Variants in NRG3 observed in about 807,000 individuals in gnomAD.
NRG3 encodes the protein pro-neuregulin-3, membrane-bound isoform.
NRG3 carries 31 observed loss-of-function variants against 66.9 expected under a neutral mutation model. That is an observed-to-expected ratio of 0.46 (90% CI 0.35 to 0.63). NRG3 has a LOEUF of 0.63. NRG3 is among the 20% of genes least tolerant of loss of function. The probability of loss-of-function intolerance (pLI) is 0.00; values close to 1 mark genes in which losing one functional copy is unlikely to be tolerated. For missense variants in NRG3, 910 were observed against 878.9 expected, an observed-to-expected ratio of 1.04 and a Z score of -0.45; for synonymous variants, 393 against 359.4, an observed-to-expected ratio of 1.09 and a Z score of -1.06.
At chr10:82,895,725 C>A (rs1041634191) in intron 4 of NRG3, among the ~76,000 whole-genome samples, 1 of 152,062 alleles carries the variant, frequency 6.6e-6, no homozygotes, top group African/African-American at 2.4e-5. Flanking sequence ...CTCCTCACCT[C>A]GTGATCCGCC....
chr10:81,984,245 A>G (rs930227884), intron 1 of NRG3, among the ~76,000 whole-genome samples: 2 of 152,340 alleles, frequency 1.3e-5, no homozygotes, highest in African/African-American at 4.8e-5. Context: ...AGGTTGTGGT[A>G]CTTTGTCATA....
At chr10:82,258,386 T>G (rs767424109) in intron 1 of NRG3, among the ~76,000 whole-genome samples, 2 of 152,198 alleles carry the variant, frequency 1.3e-5, no homozygotes, top group Admixed American at 6.5e-5. Context: ...TGTGAAGTTT[T>G]GCCAGAGATA....
At chr10:82,807,169 G>T (rs1415250382) in intron 3 of NRG3, among the ~76,000 whole-genome samples, 2 of 152,104 alleles carry the variant, frequency 1.3e-5, no homozygotes, top group African/African-American at 4.8e-5. Flanking sequence ...ATCATGTTCT[G>T]CTTCTAAATG....
chr10:82,181,773 AT>A (rs758853953), intron 1 of NRG3, among the ~76,000 whole-genome samples: 7 of 151,702 alleles, frequency 4.6e-5, no homozygotes, highest in Non-Finnish European at 8.9e-5. Flanking sequence ...TATAAGGCCC[AT>A]TTGTTTTATA....
intron 3 of NRG3, among the ~76,000 whole-genome samples, chr10:82,789,701 G>A: frequency 6.6e-6 from 1 of 152,168 alleles, no homozygotes; most frequent in Middle Eastern, 3.4e-3. Context: ...GACAAGTCAG[G>A]ATTTACTTCT....
chr10:82,024,555 C>G (rs1463302508), intron 1 of NRG3, among the ~76,000 whole-genome samples: 1 of 151,966 alleles, frequency 6.6e-6, no homozygotes, highest in Non-Finnish European at 1.5e-5. Context: ...GCTTATGGAA[C>G]TGTTGTCACA....
chr10:82,255,515 T>C (rs1167963109), intron 1 of NRG3, among the ~76,000 whole-genome samples: 2 of 152,166 alleles, frequency 1.3e-5, no homozygotes, highest in African/African-American at 4.8e-5. Flanking sequence ...GTGGAAATAA[T>C]AGAGGAAACT....
At chr10:82,349,721 C>T (rs905292661) in intron 1 of NRG3, among the ~76,000 whole-genome samples, 4 of 152,088 alleles carry the variant, frequency 2.6e-5, no homozygotes, top group East Asian at 1.9e-4. Flanking sequence ...AGGGAGACTC[C>T]GTGGGCGTAG....
intron 1 of NRG3, among the ~76,000 whole-genome samples, chr10:82,149,686 G>A (rs2070549470): frequency 6.6e-6 from 1 of 150,672 alleles, no homozygotes; most frequent in African/African-American, 2.5e-5. Context: ...TGTAGTGGAT[G>A]CTGGGAATTT....
At chr10:82,408,856 A>G (rs549676846) in intron 2 of NRG3, among the ~76,000 whole-genome samples, 54 of 152,124 alleles carry the variant, frequency 3.5e-4, no homozygotes, top group African/African-American at 1.2e-3. Context: ...AATTTATGAA[A>G]AATTTTGCAG....
At chr10:82,855,564 A>ATTTTCGTATTTTT (rs1253338125) in intron 3 of NRG3, among the ~76,000 whole-genome samples, 1 of 151,888 alleles carries the variant, frequency 6.6e-6, no homozygotes, top group African/African-American at 2.4e-5. Flanking sequence ...TGCCCGGCTG[A>ATTTTCGTATTTTT]TTTTCGTATT....
intron 1 of NRG3, among the ~76,000 whole-genome samples, chr10:82,338,252 C>T (rs1468759182): frequency 6.6e-6 from 1 of 152,204 alleles, no homozygotes; most frequent in Non-Finnish European, 1.5e-5. Flanking sequence ...GGGGGCATCC[C>T]ACTCTTTATT....
At chr10:82,085,492 G>T (rs949935144) in intron 1 of NRG3, among the ~76,000 whole-genome samples, 3 of 152,036 alleles carry the variant, frequency 2.0e-5, no homozygotes, top group African/African-American at 7.3e-5. Flanking sequence ...TCGTGTGAGG[G>T]CATCACCCCA....
At chr10:82,520,898 T>C (rs1250049463) in intron 2 of NRG3, among the ~76,000 whole-genome samples, 3 of 152,204 alleles carry the variant, frequency 2.0e-5, no homozygotes, top group African/African-American at 7.2e-5. Context: ...TCTAATTCTC[T>C]GTCTAAACCC....
chr10:82,157,085 G>A (rs758492241), intron 1 of NRG3, among the ~76,000 whole-genome samples: 1 of 151,648 alleles, frequency 6.6e-6, no homozygotes, highest in Non-Finnish European at 1.5e-5. Flanking sequence ...GGGAACATTG[G>A]CTTTGGGTAT....
At chr10:82,714,130 A>T (rs1391630523) in intron 2 of NRG3, among the ~76,000 whole-genome samples, 1 of 152,218 alleles carries the variant, frequency 6.6e-6, no homozygotes, top group African/African-American at 2.4e-5. Flanking sequence ...AATGATATGT[A>T]TTACTATGTA....
intron 8 of NRG3, among the ~76,000 whole-genome samples, chr10:82,983,210 C>T (rs1853104344): frequency 6.6e-6 from 1 of 152,178 alleles, no homozygotes; most frequent in South Asian, 2.1e-4. Context: ...GTGAACCTGA[C>T]AGGCAGACTT....
chr10:82,756,275 G>GACAGAAAGCGTGGCT (rs1374484843), intron 3 of NRG3, among the ~76,000 whole-genome samples: 1 of 152,000 alleles, frequency 6.6e-6, no homozygotes, highest in Admixed American at 6.6e-5. Context: ...CCTTCTCTTT[G>GACAGAAAGCGTGGCT]ACAGAAAGCG....
chr10:82,160,715 A>T (rs1358279315), intron 1 of NRG3, among the ~76,000 whole-genome samples: 1 of 152,012 alleles, frequency 6.6e-6, no homozygotes, highest in African/African-American at 2.4e-5. Flanking sequence ...ATTTCTCTAA[A>T]ACATTGAATA....
Sources: gnomAD v4.1 joint callset for allele counts (sites outside exome capture counted in the v4.1 genomes callset) on GRCh38, gnomAD v4.1.1 for gene constraint, MANE v1.5 for transcripts, NCBI Gene and HGNC (gene_info 2026-07-23, HGNC 2026-07-21) for gene names.